Variants in MADD observed in about 807,000 individuals in gnomAD.
The protein encoded by MADD is MAP kinase-activating death domain protein.
Under a neutral mutation model 176.7 loss-of-function variants are expected in MADD, and 109 were observed. That is an observed-to-expected ratio of 0.62 (90% CI 0.53 to 0.72). The LOEUF is 0.72. Among genes scored for constraint, MADD ranks in the 30% least tolerant of loss-of-function variants. MADD has a pLI of 0.00. For synonymous variants in MADD, 771 were observed against 771.3 expected (o/e 1.00, Z 0.01); for missense variants, 1,914 against 2,045.5 (o/e 0.94, Z 1.24).
chr11:47,324,884 C>T (rs2095231049), intron 30 of MADD: 1 of 606,786 alleles, frequency 1.6e-6, no homozygotes, highest in Non-Finnish European at 2.9e-6. Flanking sequence ...CTTGGCCCTT[C>T]CCCTGCAGTG....
intron 22 of MADD, 47 bp from the exon 25 acceptor site, chr11:47,308,544 T>C (rs1448983027): frequency 1.3e-5 from 19 of 1,436,138 alleles, no homozygotes; most frequent in Non-Finnish European, 1.5e-5. Context: ...CCTTTGTCTC[T>C]ATTCATTGCT....
chr11:47,320,070 T>C, intron 27 of MADD, among the ~76,000 whole-genome samples: 1 of 134,770 alleles, frequency 7.4e-6, no homozygotes, highest in South Asian at 2.7e-4. Flanking sequence ...TTTCCGTGTC[T>C]TTTTTTTTTT....
chr11:47,282,314 TA>T, intron 8 of MADD, 66 bp from the exon 9 acceptor site: 1 of 1,364,146 alleles, frequency 7.3e-7, no homozygotes, highest in Non-Finnish European at 1.0e-6. Flanking sequence ...GGAGGTGTTC[TA>T]AGACTTTGGA....
At chr11:47,322,345 C>T (rs959857561) in intron 27 of MADD, among the ~76,000 whole-genome samples, 6 of 152,132 alleles carry the variant, frequency 3.9e-5, no homozygotes, top group East Asian at 1.9e-4. Flanking sequence ...TGGTGGCTCA[C>T]GTCTGTAATC....
chr11:47,289,452 AAG>A lies in MADD; in HGVS notation c.2719_2720del (p.Glu907ThrfsTer12). 6.2e-7 allele frequency: 1 copy of A among 1,614,210 alleles called. No individual in the cohort carries two copies. The highest frequency in any genetic ancestry group is 1.1e-5 in the South Asian group (1 of 91,088). On this transcript the variant is annotated frameshift_variant, in exon 16 of 33. Transcript: ENST00000402192. LOFTEE classifies it high-confidence loss of function. ...TCATTAAACACAGCCCAACAGTGAA[AAG>A]AGAACCTCCATCACCCCAGGGTCGA... is the stretch of plus-strand genomic sequence containing the variant.
exon 10 of MADD, chr11:47,282,833 A>T: frequency 6.2e-7 from 1 of 1,613,960 alleles, no homozygotes; most frequent in East Asian, 2.2e-5. Context: ...TCCAGCCCTG[A>T]TTGGTGACAA....
At chr11:47,276,030 A>G (rs751661934) in exon 4 of MADD, 1 of 1,614,216 alleles carries the variant, frequency 6.2e-7, no homozygotes, top group South Asian at 1.1e-5. Flanking sequence ...GTCTCTGGGC[A>G]GAAGCGAGTA....
At chr11:47,320,069 CTT>C (rs551543837) in intron 27 of MADD, among the ~76,000 whole-genome samples, 4 of 133,728 alleles carry the variant, frequency 3.0e-5, no homozygotes, top group African/African-American at 8.2e-5. Context: ...CTTTCCGTGT[CTT>C]TTTTTTTTTT....
chr11:47,276,058 C>T lies in MADD; in HGVS notation c.819C>T (p.Pro273=), dbSNP rs777475244. Residue 273 remains proline, a synonymous_variant, in exon 4 of 33, where the codon CCC becomes CCT. Coordinates refer to ENST00000402192, the Ensembl canonical transcript of MADD. ...AGCGAGTAGACATCGAGGTCCTACC[C>T]CAAGAGCTCCAGCCAGCTCTGACCT... The T allele has an allele frequency of 2.5e-6, 4 of 1,614,210 alleles. No individual in the cohort carries two copies. The Admixed American group carries it at 5.0e-5, about 20-fold the overall frequency.
At chr11:47,322,960 G>A (rs1300640643) in intron 27 of MADD, among the ~76,000 whole-genome samples, 5 of 152,040 alleles carry the variant, frequency 3.3e-5, no homozygotes, top group Admixed American at 1.3e-4. Context: ...TAACTGGGCC[G>A]GGCGCGGTGG....
At chr11:47,294,485 C>T (rs1051645577) in intron 20 of MADD, among the ~76,000 whole-genome samples, 1 of 151,754 alleles carries the variant, frequency 6.6e-6, no homozygotes, top group African/African-American at 2.4e-5. Flanking sequence ...GCCTGGCCAA[C>T]GTAGTGAAAC....
intron 19 of MADD, 73 bp downstream of exon 20, chr11:47,290,889 A>G (rs2064565717): frequency 8.1e-7 from 1 of 1,237,916 alleles, no homozygotes; most frequent in African/African-American, 1.5e-5. Flanking sequence ...CAATTCATCC[A>G]GAATCCTGCC....
chr11:47,311,863 C>T (rs1203302763), intron 26 of MADD, 21 bp downstream of exon 29: 3 of 1,497,628 alleles, frequency 2.0e-6, no homozygotes, highest in African/African-American at 1.4e-5. Context: ...CTGGCCACCC[C>T]TTAGGCTTCC....
chr11:47,275,277 A>G (rs1246269182), intron 3 of MADD, 118 bp downstream of exon 3: 10 of 823,086 alleles, frequency 1.2e-5, no homozygotes, highest in Non-Finnish European at 1.9e-5. Flanking sequence ...TATTAAGCAT[A>G]TTTAGAGTAT....
At chr11:47,292,453 T>G (rs1483033778) in intron 19 of MADD, 90 bp from the exon 21 acceptor site, 1 of 1,150,198 alleles carries the variant, frequency 8.7e-7, no homozygotes, top group African/African-American at 1.5e-5. Flanking sequence ...TGAGACTGAA[T>G]CGACTTGGGT....
chr11:47,328,552 A>T, intron 31 of MADD, 106 bp from the exon 36 acceptor site: 1 of 1,564,070 alleles, frequency 6.4e-7, no homozygotes, highest in Non-Finnish European at 8.7e-7. Flanking sequence ...GAGAGGCCAC[A>T]GAGGGGAAGG....
At chr11:47,294,768 C>T (rs1472095051) in intron 20 of MADD, among the ~76,000 whole-genome samples, 1 of 150,020 alleles carries the variant, frequency 6.7e-6, no homozygotes, top group Non-Finnish European at 1.5e-5. Context: ...CCATGTAATG[C>T]AATATTAGTA....
At chr11:47,309,325 G>T in exon 24 of MADD, 3 of 1,614,222 alleles carry the variant, frequency 1.9e-6, no homozygotes, top group Non-Finnish European at 2.5e-6. Flanking sequence ...ATTCTGGGAA[G>T]ATGCCTTCTT....
chr11:47,282,810 T>C lies in MADD; in HGVS notation c.1706-3T>C. The C allele has an allele frequency of 1.9e-6, 3 of 1,613,256 alleles. No homozygotes were observed. The highest frequency in any genetic ancestry group is 2.5e-6 in the Non-Finnish European group (3 of 1,179,352). ...CTTTCTGTTCTTTTCCCTCATGGGG[T>C]AGATATGTTTGATCCAGCCCTGATT... On this transcript the variant is annotated splice_region_variant and splice_polypyrimidine_tract_variant and intron_variant, in intron 9 of 32. Transcript: ENST00000402192.
Sources: gnomAD v4.1 joint callset for allele counts (sites outside exome capture counted in the v4.1 genomes callset) on GRCh38, gnomAD v4.1.1 for gene constraint, MANE v1.5 for transcripts, NCBI Gene and HGNC (gene_info 2026-07-23, HGNC 2026-07-21) for gene names.